ISLR: variants seen among roughly 807,000 people sequenced by gnomAD.
ISLR encodes the protein immunoglobulin superfamily containing leucine-rich repeat protein.
ISLR carries 9 observed loss-of-function variants against 11.0 expected under a neutral mutation model. The ratio of observed to expected loss-of-function variants is 0.82; its 90% confidence interval spans 0.49 to 1.43. The LOEUF (loss-of-function observed/expected upper bound fraction) is 1.43. ISLR is among the 40% of genes most tolerant of loss of function. ISLR has a pLI of 0.00. For synonymous variants in ISLR, 262 were observed against 264.1 expected (o/e 0.99, Z 0.08); for missense variants, 510 against 576.4 (o/e 0.88, Z 1.18).
rs1446367705 is a variant in ISLR at position 74,175,163 on chromosome 15, G to C, written c.305G>C (p.Ser102Thr). ...CTGGCCTCTCTGAGCCATCTCAAGA[G>C]CCTGGACCTCAGCCACAATCTCATC... ...GALASLSHLK[S>T]LDLSHNLISD... Residue 102 changes from serine (S) to threonine (T), a missense_variant, in exon 2 of 2, where the codon AGC (serine) becomes ACC (threonine). Physicochemically the swap from Ser to Thr is moderately conservative, Grantham distance 58. Transcript: ENST00000249842. This position sits in a 1 kb window ranked among gnomAD's most constrained non-coding sequence, Gnocchi z 4.7. The C allele has an allele frequency of 6.2e-7, 1 of 1,612,336 alleles. No homozygotes were observed. The highest frequency in any genetic ancestry group is 8.5e-7 in the Non-Finnish European group (1 of 1,180,012).
Position 74,175,214 on chromosome 15 carries a change from A to G in ISLR, c.356A>G (p.His119Arg). The G allele has an allele frequency of 6.2e-7, 1 of 1,613,506 alleles. No individual in the cohort carries two copies. Among genetic ancestry groups the G allele is most frequent in the Non-Finnish European group, 8.5e-7 (1 of 1,180,004 alleles). ...LISDFAWSDL[H>R]NLSALQLLKM... ...TCTGACTTTGCCTGGAGCGACCTGC[A>G]CAACCTCAGTGCCCTCCAATTGCTC... Residue 119 changes from histidine (H) to arginine (R), a missense_variant, in exon 2 of 2, where the codon CAC (histidine) becomes CGC (arginine). Transcript: ENST00000249842. The surrounding 1 kb of genome is among the most constrained non-coding windows in gnomAD (Gnocchi z 4.7).
chr15:74,176,267 T>C lies in ISLR; in HGVS notation c.*122T>C, dbSNP rs1220412513. On this transcript the variant is annotated 3_prime_UTR_variant, in exon 2 of 2. Transcript: ENST00000249842. Reference sequence around the variant, plus strand: ...GGGTGACTTCACATTTTCCTACCTCTCCTTCTAATCTCTTCTAGAGCACCT... The same window carrying C: ...GGGTGACTTCACATTTTCCTACCTCCCCTTCTAATCTCTTCTAGAGCACCT... 2.8e-6 allele frequency: 2 copies of C among 721,358 alleles called. No individual in the cohort carries two copies. The highest frequency in any genetic ancestry group is 3.2e-5 in the Admixed American group (1 of 31,350). 44.7% of individuals were successfully genotyped at this position (721,358 alleles called of 1,614,324 possible). A position where few individuals can be genotyped will look rare whatever the true frequency, so the allele number is the denominator to read the frequency against.
chr15:74,175,235 T>G lies in ISLR; in HGVS notation c.377T>G (p.Leu126Trp), dbSNP rs771054280. 35 of 1,613,372 alleles carry G rather than the reference T, an allele frequency of 2.2e-5. No individual in the cohort carries two copies. The highest frequency in any genetic ancestry group is 2.8e-5 in the Non-Finnish European group (33 of 1,180,010). ...CTGCACAACCTCAGTGCCCTCCAAT[T>G]GCTCAAGATGGACAGCAACGAGCTG... ...SDLHNLSALQLLKMDSNELTF... is the reference protein window; with the variant it reads ...SDLHNLSALQWLKMDSNELTF... Residue 126 changes from leucine to tryptophan, a missense_variant, in exon 2 of 2, where the codon TTG becomes TGG. Physicochemically the swap from Leu to Trp is moderately conservative, Grantham distance 61. Coordinates refer to ENST00000249842, the MANE Select transcript of ISLR (RefSeq NM_005545.4). The surrounding 1 kb of genome is among the most constrained non-coding windows in gnomAD (Gnocchi z 4.7).
rs1006793872 is a variant in ISLR, at chr15:74,176,162, C to T, written c.*17C>T. Reference sequence around the variant, plus strand: ...TCCTTCTAGCCCCACCCAGGGCTTCCCTAACTCCTCCCCTTGCCCCTACCA... The same window carrying T: ...TCCTTCTAGCCCCACCCAGGGCTTCTCTAACTCCTCCCCTTGCCCCTACCA... On this transcript the variant is annotated 3_prime_UTR_variant, in exon 2 of 2. Coordinates refer to ENST00000249842, the MANE Select transcript of ISLR (RefSeq NM_005545.4). 1 of 1,526,272 alleles carries T rather than the reference C, an allele frequency of 6.6e-7. No homozygotes were observed. Among genetic ancestry groups the T allele is most frequent in the East Asian group, 2.3e-5 (1 of 44,100 alleles). 94.5% of individuals were successfully genotyped at this position (1,526,272 alleles called of 1,614,324 possible).
chr15:74,174,756 T>G (rs1056352726), intron 1 of ISLR, 95 bp from the exon 2 acceptor site: 1 of 970,084 alleles, frequency 1.0e-6, no homozygotes, highest in Admixed American at 3.1e-5. Flanking sequence ...GGACAGGGCC[T>G]CCTGATGGGA....
Position 74,175,809 on chromosome 15 carries a change from T to G in ISLR, c.951T>G (p.Phe317Leu). Residue 317 changes from phenylalanine to leucine, a missense_variant, in exon 2 of 2, where the codon TTT (phenylalanine) becomes TTG (leucine). Transcript: ENST00000249842. This position sits in a 1 kb window ranked among gnomAD's most constrained non-coding sequence, Gnocchi z 4.7. ...FANGSLLIPD[F>L]GKLEEGTYSC... ...ATGGCAGCCTGCTTATCCCCGACTT[T>G]GGCAAGCTGGAGGAAGGCACCTACA... 6.2e-7 allele frequency: 1 copy of G among 1,614,092 alleles called. No individual in the cohort carries two copies. Among genetic ancestry groups the G allele is most frequent in the Non-Finnish European group, 8.5e-7 (1 of 1,180,042 alleles).
intron 1 of ISLR, 70 bp from the exon 2 acceptor site, chr15:74,174,781 G>A: frequency 8.0e-7 from 1 of 1,250,462 alleles, no homozygotes; most frequent in Non-Finnish European, 1.1e-6. Flanking sequence ...GCTCTGGCTG[G>A]GCTTGTGGGA....
rs755549872 is a variant in ISLR at position 74,175,938 on chromosome 15, T to G, written c.1080T>G (p.His360Gln). 8 of 1,610,868 alleles carry G rather than the reference T, an allele frequency of 5.0e-6. No individual in the cohort carries two copies. The highest frequency in any genetic ancestry group is 6.8e-6 in the Non-Finnish European group (8 of 1,177,742). The change falls in exon 2 of 2, where the codon CAT becomes CAG. Residue 360 changes from histidine to glutamine, a missense_variant. By Grantham distance (24) the His-to-Gln change is conservative. Transcript: ENST00000249842. This position sits in a 1 kb window ranked among gnomAD's most constrained non-coding sequence, Gnocchi z 4.7. Reference protein sequence around the residue: ...GGEDTLGRRFHGKAVEGKGCY... With the variant: ...GGEDTLGRRFQGKAVEGKGCY... ...AGGACACACTGGGGCGCAGGTTCCA[T>G]GGCAAAGCGGTTGAGGGAAAGGGCT...
At position 74,175,037 on chromosome 15, in the gene ISLR, A is replaced by G. The variant is rs1396001552; in HGVS notation, c.179A>G (p.Asn60Ser). The G allele has an allele frequency of 2.5e-6, 4 of 1,610,878 alleles. No homozygotes were observed. Among genetic ancestry groups the G allele is most frequent in the Non-Finnish European group, 3.4e-6 (4 of 1,178,874 alleles). ...ANVTTLSLSA[N>S]RLPGLPEGAF... Reference sequence around the variant, plus strand: ...GTGACTACACTGAGCCTGTCAGCCAACCGGCTGCCAGGCTTGCCGGAGGGT... The same window carrying G: ...GTGACTACACTGAGCCTGTCAGCCAGCCGGCTGCCAGGCTTGCCGGAGGGT... Residue 60 changes from asparagine (N) to serine (S), a missense_variant, in exon 2 of 2, where the codon AAC (asparagine) becomes AGC (serine). Transcript: ENST00000249842. This position sits in a 1 kb window ranked among gnomAD's most constrained non-coding sequence, Gnocchi z 4.7.
rs937552370 is a variant in ISLR, at chr15:74,175,725, G to A, written c.867G>A (p.Gly289=). ...EITSPNVGTD[G]RALPGTPVAS... The stretch of plus-strand genomic sequence containing the variant: ...CCAGCCCCAACGTGGGCACTGATGG[G>A]CGTGCCCTGCCTGGCACCCCTGTGG... The change falls in exon 2 of 2, where the codon GGG becomes GGA. Residue 289 remains glycine (G), a synonymous_variant. Transcript: ENST00000249842. The surrounding 1 kb of genome is among the most constrained non-coding windows in gnomAD (Gnocchi z 4.7). The A allele has an allele frequency of 1.2e-5, 19 of 1,613,838 alleles. No homozygotes were observed. Among genetic ancestry groups the A allele is most frequent in the African/African-American group, 2.7e-5 (2 of 74,948 alleles).
Position 74,175,443 on chromosome 15 carries a change from C to T in ISLR, c.585C>T (p.Ala195=). The change falls in exon 2 of 2, where the codon GCC becomes GCT. Residue 195 remains alanine (A), a synonymous_variant. Coordinates refer to ENST00000249842, the MANE Select transcript of ISLR (RefSeq NM_005545.4). The surrounding 1 kb of genome is among the most constrained non-coding windows in gnomAD (Gnocchi z 4.7). ...TCGIVWLKTW[A]LTTAVSIPEQ... ...GCATCGTGTGGCTCAAGACATGGGC[C>T]CTGACCACGGCCGTGTCCATCCCGG... 6.2e-7 allele frequency: 1 copy of T among 1,611,850 alleles called. No individual in the cohort carries two copies. The highest frequency in any genetic ancestry group is 8.5e-7 in the Non-Finnish European group (1 of 1,179,966).
At chr15:74,174,817 C>CG (rs747177364) in intron 1 of ISLR, 34 bp from the exon 2 acceptor site, 2 of 1,478,350 alleles carry the variant, frequency 1.4e-6, no homozygotes, top group Middle Eastern at 1.8e-4. Flanking sequence ...GGCAGGTTCT[C>CG]GGGATCCCCT....
Position 74,175,710 on chromosome 15 carries a change from C to T in ISLR, c.852C>T (p.Asn284=), listed in dbSNP as rs144104862. The change falls in exon 2 of 2, where the codon AAC becomes AAT. Residue 284 remains asparagine (N), a synonymous_variant. Coordinates refer to ENST00000249842, the MANE Select transcript of ISLR (RefSeq NM_005545.4). This position sits in a 1 kb window ranked among gnomAD's most constrained non-coding sequence, Gnocchi z 4.7. ...PSGIVEITSP[N]VGTDGRALPG... is the part of the protein sequence containing the mutation. ...GCATTGTGGAGATCACCAGCCCCAA[C>T]GTGGGCACTGATGGGCGTGCCCTGC... The T allele has an allele frequency of 2.3e-4, 367 of 1,614,080 alleles. 2 individuals carry two copies. Among genetic ancestry groups the T allele is most frequent in the African/African-American group, 1.8e-3 (133 of 75,080 alleles).
Position 74,175,010 on chromosome 15 carries a change from A to G in ISLR, c.152A>G (p.Asn51Ser), listed in dbSNP as rs141535600. ...TCCGTGCCGCCTGGCTTCCCGGCCA[A>G]TGTGACTACACTGAGCCTGTCAGCC... is the stretch of plus-strand genomic sequence containing the variant. Reference protein sequence around the residue: ...LESVPPGFPANVTTLSLSANR... With the variant: ...LESVPPGFPASVTTLSLSANR... Residue 51 changes from asparagine to serine, a missense_variant, in exon 2 of 2, where the codon AAT (asparagine) becomes AGT (serine). Transcript: ENST00000249842. The surrounding 1 kb of genome is among the most constrained non-coding windows in gnomAD (Gnocchi z 4.7). 2 of 1,612,504 alleles carry G rather than the reference A, an allele frequency of 1.2e-6. No homozygotes were observed. The highest frequency in any genetic ancestry group is 1.3e-5 in the African/African-American group (1 of 74,784).
rs1448753489 is a variant in ISLR at position 74,173,848 on chromosome 15, G to C, written c.-180G>C. On this transcript the variant is annotated 5_prime_UTR_variant, in exon 1 of 2. Coordinates refer to ENST00000249842, the MANE Select transcript of ISLR (RefSeq NM_005545.4). ...TTCCAGGCACCCTGTCTGGGGCAGG[G>C]AGGGCACAGGCCTGCACATCGAAGG... 1 of 154,334 alleles carries C rather than the reference G, an allele frequency of 6.5e-6. No individual in the cohort carries two copies. Among genetic ancestry groups the C allele is most frequent in the Non-Finnish European group, 1.5e-5 (1 of 68,228 alleles). 9.6% of individuals were successfully genotyped at this position (154,334 alleles called of 1,614,324 possible).
chr15:74,176,626 A>ACCG lies in ISLR; in HGVS notation c.*481_*482insCCG. On this transcript the variant is annotated 3_prime_UTR_variant, in exon 2 of 2. Coordinates refer to ENST00000249842, the MANE Select transcript of ISLR (RefSeq NM_005545.4). ...CTCTGAGGCTCCCTGGGGCCTGCTC[A>ACCG]AGCTCCTCCTGCTCCTTGCTGTTTT... 1 of 173,818 alleles carries ACCG rather than the reference A, an allele frequency of 5.8e-6. No homozygotes were observed. Among genetic ancestry groups the ACCG allele is most frequent in the Non-Finnish European group, 1.4e-5 (1 of 72,984 alleles). The allele number at this position is 173,818 out of a possible 1,614,324, so 10.8% of individuals were successfully genotyped here.
At position 74,176,194 on chromosome 15, in the gene ISLR, C is replaced by T. The variant is rs745975422; in HGVS notation, c.*49C>T. 19 of 1,464,632 alleles carry T rather than the reference C, an allele frequency of 1.3e-5. No individual in the cohort carries two copies. The highest frequency in any genetic ancestry group is 2.0e-4 in the Middle Eastern group (1 of 5,046). 90.7% of individuals were successfully genotyped at this position (1,464,632 alleles called of 1,614,324 possible). On this transcript the variant is annotated 3_prime_UTR_variant, in exon 2 of 2. Transcript: ENST00000249842. ...CCTCCCCTTGCCCCTACCAATGCCCCTTTAAGTGCTGCAGGGGTCTGGGGT... is the reference window on the plus strand; with the variant it reads ...CCTCCCCTTGCCCCTACCAATGCCCTTTTAAGTGCTGCAGGGGTCTGGGGT...
rs1305228153 is a variant in ISLR at position 74,175,190 on chromosome 15, C to T, written c.332C>T (p.Ser111Phe). Reference sequence around the variant, plus strand: ...CTGGACCTCAGCCACAATCTCATCTCTGACTTTGCCTGGAGCGACCTGCAC... The same window carrying T: ...CTGGACCTCAGCCACAATCTCATCTTTGACTTTGCCTGGAGCGACCTGCAC... ...KSLDLSHNLI[S>F]DFAWSDLHNL... Residue 111 changes from serine to phenylalanine, a missense_variant, in exon 2 of 2, where the codon TCT (serine) becomes TTT (phenylalanine). Coordinates refer to ENST00000249842, the MANE Select transcript of ISLR (RefSeq NM_005545.4). This position sits in a 1 kb window ranked among gnomAD's most constrained non-coding sequence, Gnocchi z 4.7. 1.9e-6 allele frequency: 3 copies of T among 1,613,384 alleles called. No individual in the cohort carries two copies. Among genetic ancestry groups the T allele is most frequent in the Non-Finnish European group, 1.7e-6 (2 of 1,180,016 alleles).
Position 74,173,761 on chromosome 15 carries a change from T to C in ISLR, c.-267T>C, listed in dbSNP as rs1306319044. 6.5e-6 allele frequency: 1 copy of C among 154,432 alleles called. No individual in the cohort carries two copies. The highest frequency in any genetic ancestry group is 1.9e-4 in the East Asian group (1 of 5,192). The allele number at this position is 154,432 out of a possible 1,614,324, so 9.6% of individuals were successfully genotyped here. A position where few individuals can be genotyped will look rare whatever the true frequency, so the allele number is the denominator to read the frequency against. ...TGCTGCAGAGAAGCAGTTGTTTTGCTGGAAGGAGGGAGTGCGCGGGCTGCC... is the reference window on the plus strand; with the variant it reads ...TGCTGCAGAGAAGCAGTTGTTTTGCCGGAAGGAGGGAGTGCGCGGGCTGCC... On this transcript the variant is annotated 5_prime_UTR_variant, in exon 1 of 2. Transcript: ENST00000249842.
Sources: allele counts gnomAD v4.1 joint callset, GRCh38; gene constraint gnomAD v4.1.1; non-coding constraint Gnocchi (gnomAD v3.1); transcripts MANE v1.5; gene names NCBI Gene and HGNC (gene_info 2026-07-23, HGNC 2026-07-21).